MYRFL: variants seen among roughly 807,000 people sequenced by gnomAD.
The protein encoded by MYRFL is myelin regulatory factor like, also known as myelin regulatory factor-like protein.
A neutral mutation model predicts 109.4 loss-of-function variants in MYRFL; 88 were observed. That is an observed-to-expected ratio of 0.80 (90% CI 0.68 to 0.96). The LOEUF (loss-of-function observed/expected upper bound fraction) is 0.96, where lower values mean the gene tolerates loss of function less well. MYRFL is among the 40% of genes least tolerant of loss of function. The pLI, the probability that MYRFL is intolerant of heterozygous loss-of-function variation, is 0.00. For synonymous variants in MYRFL, 324 were observed against 320.9 expected, an observed-to-expected ratio of 1.01 and a Z score of -0.10; for missense variants, 957 against 954.9, an observed-to-expected ratio of 1.00 and a Z score of -0.03.
chr12:69,891,637 T>TTTTTTCTTTCTTTCTTTC (rs1886865060), intron 7 of MYRFL, among the ~76,000 whole-genome samples: 1 of 53,788 alleles, frequency 1.9e-5, no homozygotes, highest in African/African-American at 5.7e-5. Flanking sequence ...CTTCCTTTCT[T>TTTTTTCTTTCTTTCTTTC]TTTCTTTCTT....
chr12:69,895,280 T>C (rs1378046346), intron 8 of MYRFL, 91 bp from the exon 9 acceptor site: 10 of 936,968 alleles, frequency 1.1e-5, no homozygotes, highest in South Asian at 1.6e-5. Context: ...GAACCAAGCA[T>C]AGATGAGAGT....
chr12:69,897,526 A>G (rs1200647470), intron 10 of MYRFL, among the ~76,000 whole-genome samples: 4 of 151,998 alleles, frequency 2.6e-5, no homozygotes, highest in Non-Finnish European at 5.9e-5. Flanking sequence ...GCACAGGACA[A>G]CCTCCACAAC....
Position 69,871,511 on chromosome 12 carries a change from C to T in MYRFL, c.138-7517C>T, listed in dbSNP as rs577942228. 7.2e-5 allele frequency among the ~76,000 whole-genome samples: 11 copies of T among 152,230 alleles called. No homozygotes were observed. In the East Asian group the frequency reaches 1.7e-3, roughly 24 times the overall value. On this transcript the variant is annotated intron_variant, in intron 2 of 24. Coordinates refer to ENST00000552032, the MANE Select transcript of MYRFL (RefSeq NM_182530.3). ...CCTCCCAAAGTGCTGGGATTACAGG[C>T]GTGGGCCACCGCGCCTGGCCCTCTT...
At chr12:69,876,520 A>G (rs1885674118) in intron 2 of MYRFL, among the ~76,000 whole-genome samples, 1 of 151,840 alleles carries the variant, frequency 6.6e-6, no homozygotes. Context: ...AGCATTCCCT[A>G]TTTATCTGGT....
chr12:69,949,272 T>A (rs139852374), intron 19 of MYRFL, among the ~76,000 whole-genome samples: 5 of 152,126 alleles, frequency 3.3e-5, no homozygotes, highest in Admixed American at 3.3e-4. Context: ...TGCCAAAACT[T>A]CATAAAGTTA....
intron 8 of MYRFL, among the ~76,000 whole-genome samples, chr12:69,894,134 T>C (rs564430665): frequency 2.6e-5 from 4 of 151,634 alleles, no homozygotes; most frequent in African/African-American, 9.7e-5. Context: ...GTAGCTGGGA[T>C]TACAGGCATG....
At chr12:69,826,082 A>T (rs543103257) in intron 1 of MYRFL, among the ~76,000 whole-genome samples, 13 of 152,168 alleles carry the variant, frequency 8.5e-5, no homozygotes, top group African/African-American at 3.1e-4. Context: ...GACAAATAAT[A>T]TATATTTAAA....
intron 2 of MYRFL, among the ~76,000 whole-genome samples, chr12:69,873,264 GA>G (rs1229022903): frequency 6.6e-6 from 1 of 151,944 alleles, no homozygotes; most frequent in Non-Finnish European, 1.5e-5. Flanking sequence ...AAAAAAATCA[GA>G]AAAAAATCTC....
intron 1 of MYRFL, among the ~76,000 whole-genome samples, chr12:69,842,919 G>A (rs1020922675): frequency 2.0e-5 from 3 of 152,154 alleles, no homozygotes; most frequent in Non-Finnish European, 4.4e-5. Flanking sequence ...TCACTGGACC[G>A]TGAGCTTGTT....
chr12:69,946,421 A>G (rs1256617828), intron 19 of MYRFL: 1 of 152,222 alleles, frequency 6.6e-6, no homozygotes, highest in African/African-American at 2.4e-5. Context: ...ACTTTTGGAA[A>G]TTTAGTCACA....
intron 1 of MYRFL, among the ~76,000 whole-genome samples, chr12:69,833,599 T>C (rs1372947373): frequency 6.6e-6 from 1 of 152,226 alleles, no homozygotes; most frequent in East Asian, 1.9e-4. Flanking sequence ...ATGATAATGT[T>C]GTCAGTATTT....
chr12:69,871,094 C>A (rs927510455), intron 2 of MYRFL, among the ~76,000 whole-genome samples: 4 of 152,054 alleles, frequency 2.6e-5, no homozygotes, highest in African/African-American at 7.2e-5. Flanking sequence ...TAGAGTGATA[C>A]ATGTGAAGAA....
At chr12:69,927,458 G>T (rs1955133865) in intron 14 of MYRFL, among the ~76,000 whole-genome samples, 1 of 151,736 alleles carries the variant, frequency 6.6e-6, no homozygotes, top group Non-Finnish European at 1.5e-5. Flanking sequence ...CATTTCCTGG[G>T]GTTTAGTTTT....
chr12:69,832,920 G>C (rs961412783), intron 1 of MYRFL, among the ~76,000 whole-genome samples: 3 of 148,858 alleles, frequency 2.0e-5, no homozygotes, highest in African/African-American at 7.5e-5. Context: ...AATGTACTTA[G>C]ATGTCGAAGA....
chr12:69,903,246 TTAGTAC>T (rs1422227224), intron 10 of MYRFL, among the ~76,000 whole-genome samples: 1 of 152,210 alleles, frequency 6.6e-6, no homozygotes, highest in Non-Finnish European at 1.5e-5. Flanking sequence ...TTATCTGACT[TTAGTAC>T]ACCTGTAATA....
chr12:69,916,660 C>T (rs1043181385), intron 13 of MYRFL, among the ~76,000 whole-genome samples: 4 of 152,158 alleles, frequency 2.6e-5, no homozygotes, highest in Non-Finnish European at 5.9e-5. Flanking sequence ...CCCTTTCCCA[C>T]TGGCCCTTTA....
chr12:69,864,988 A>T (rs557000405), intron 2 of MYRFL, among the ~76,000 whole-genome samples: 2 of 152,328 alleles, frequency 1.3e-5, no homozygotes, highest in East Asian at 3.9e-4. Flanking sequence ...TATAACTAAC[A>T]GAAAGACCTT....
chr12:69,860,488 G>A (rs1010552798), intron 2 of MYRFL, among the ~76,000 whole-genome samples: 22 of 151,938 alleles, frequency 1.4e-4, no homozygotes, highest in South Asian at 4.1e-4. Flanking sequence ...TTTATTCAGC[G>A]TATCATTGGG....
intron 6 of MYRFL, among the ~76,000 whole-genome samples, chr12:69,890,554 C>T (rs1034258032): frequency 2.6e-5 from 4 of 152,040 alleles, no homozygotes; most frequent in South Asian, 2.1e-4. Context: ...GCCAACATGG[C>T]GAAACCCTGT....
Sources: gnomAD v4.1 joint callset for allele counts (sites outside exome capture counted in the v4.1 genomes callset) on GRCh38, gnomAD v4.1.1 for gene constraint, MANE v1.5 for transcripts, NCBI Gene and HGNC (gene_info 2026-07-23, HGNC 2026-07-21) for gene names.